The following FBXO4 variants were observed in gnomAD, a reference collection of about 807,000 sequenced individuals.
FBXO4 encodes the protein F-box protein 4, also known as F-box only protein 4.
FBXO4 carries 36 observed loss-of-function variants against 43.7 expected under a neutral mutation model. That is an observed-to-expected ratio of 0.82 (90% CI 0.63 to 1.09). The LOEUF (loss-of-function observed/expected upper bound fraction) is 1.09, where lower values mean the gene tolerates loss of function less well. Ranked by LOEUF, FBXO4 falls within the 50% of genes least tolerant of loss-of-function variation. The pLI is 0.00. For synonymous variants in FBXO4, 180 were observed against 165.6 expected, an observed-to-expected ratio of 1.09 and a Z score of -0.67; for missense variants, 435 against 474.1, an observed-to-expected ratio of 0.92 and a Z score of 0.77.
chr5:42,020,549 TAAG>T, the FBXO4 span, among the ~76,000 whole-genome samples: 1 of 152,146 alleles, frequency 6.6e-6, no homozygotes. Context: ...TCTCATGAAA[TAAG>T]AAGTTTGATT....
the FBXO4 span, among the ~76,000 whole-genome samples, chr5:42,033,545 G>A: frequency 1.6e-4 from 25 of 151,792 alleles, no homozygotes; most frequent in East Asian, 3.7e-3. Context: ...TTCTCCCCTC[G>A]CCTCCCACCC....
the FBXO4 span, among the ~76,000 whole-genome samples, chr5:42,029,662 C>T: frequency 6.6e-6 from 1 of 151,624 alleles, no homozygotes; most frequent in East Asian, 1.9e-4. Context: ...TTTATCTCCT[C>T]TCACCATGTA....
At chr5:41,988,383 A>T in the FBXO4 span, among the ~76,000 whole-genome samples, 2 of 152,270 alleles carry the variant, frequency 1.3e-5, 1 homozygote, top group African/African-American at 4.8e-5. Flanking sequence ...ATCTTTCTTG[A>T]AGGGTATACT....
chr5:41,979,949 A>C, the FBXO4 span, among the ~76,000 whole-genome samples: 1 of 152,190 alleles, frequency 6.6e-6, no homozygotes, highest in Non-Finnish European at 1.5e-5. Flanking sequence ...AGCCTACATG[A>C]ATCAATCTAA....
the FBXO4 span, among the ~76,000 whole-genome samples, chr5:41,993,044 A>G: frequency 6.6e-6 from 1 of 152,226 alleles, no homozygotes; most frequent in Non-Finnish European, 1.5e-5. Context: ...ATGTAAAAAC[A>G]TATTGTAAAC....
At chr5:42,004,007 A>G in the FBXO4 span, among the ~76,000 whole-genome samples, 1 of 152,220 alleles carries the variant, frequency 6.6e-6, no homozygotes, top group Non-Finnish European at 1.5e-5. Context: ...TGGATTAAGA[A>G]AATGTGGCAC....
chr5:41,961,228 C>T, the FBXO4 span, among the ~76,000 whole-genome samples: 1 of 152,096 alleles, frequency 6.6e-6, no homozygotes, highest in East Asian at 1.9e-4. Context: ...GTGTGGATAT[C>T]CACAGTGGCA....
chr5:42,037,291 G>A, the FBXO4 span, among the ~76,000 whole-genome samples: 8 of 152,122 alleles, frequency 5.3e-5, no homozygotes, highest in Admixed American at 3.3e-4. Context: ...AAGGTTATGA[G>A]CAGGTATGTT....
the FBXO4 span, among the ~76,000 whole-genome samples, chr5:41,989,280 G>T: frequency 2.6e-5 from 4 of 152,070 alleles, no homozygotes; most frequent in African/African-American, 9.7e-5. Flanking sequence ...CAGTCAAGGG[G>T]TGACTAATTT....
At chr5:41,972,179 T>C in the FBXO4 span, among the ~76,000 whole-genome samples, 2 of 152,108 alleles carry the variant, frequency 1.3e-5, no homozygotes, top group African/African-American at 2.4e-5. Flanking sequence ...TATAATTCTA[T>C]ACCTAAAAAA....
At chr5:41,969,042 A>C in the FBXO4 span, among the ~76,000 whole-genome samples, 1 of 152,246 alleles carries the variant, frequency 6.6e-6, no homozygotes, top group East Asian at 1.9e-4. Flanking sequence ...TCTAAGTGCA[A>C]GCTCTTTTGC....
In FBXO4 at chr5:41,933,841, A is replaced by G. The variant is rs538680318; in HGVS notation, c.647-105A>G. 3 of 806,094 alleles carry G rather than the reference A, an allele frequency of 3.7e-6. No individual in the cohort carries two copies. The Admixed American group carries it at 7.9e-5, about 21-fold the overall frequency. 49.9% of individuals were successfully genotyped at this position (806,094 alleles called of 1,614,324 possible). A position where few individuals can be genotyped will look rare whatever the true frequency, so the allele number is the denominator to read the frequency against. Reference sequence around the variant, plus strand: ...TTCAACTCTATGTATAAGTTGTTATAGAATTTTTTCTTTACTCTTTTTGCT... The same window carrying G: ...TTCAACTCTATGTATAAGTTGTTATGGAATTTTTTCTTTACTCTTTTTGCT... On this transcript the variant is annotated intron_variant, in intron 3 of 6. Transcript: ENST00000281623.
chr5:41,943,405 A>G (rs1383456826), downstream of FBXO4, among the ~76,000 whole-genome samples: 1 of 152,142 alleles, frequency 6.6e-6, no homozygotes, highest in African/African-American at 2.4e-5. Context: ...AGTCCCTTAA[A>G]TTCTGAATCT....
At chr5:41,929,960 C>G (rs943788636) in intron 3 of FBXO4, 43 bp downstream of exon 3, 1 of 1,342,738 alleles carries the variant, frequency 7.4e-7, no homozygotes, top group Non-Finnish European at 1.0e-6. Flanking sequence ...ACACTTTGAG[C>G]TTGACATTCT....
At chr5:41,930,741 C>T (rs888455249) in intron 3 of FBXO4, among the ~76,000 whole-genome samples, 1 of 150,876 alleles carries the variant, frequency 6.6e-6, no homozygotes, top group Non-Finnish European at 1.5e-5. Context: ...GATCTCGGCT[C>T]ACTGCCAGCT....
At chr5:41,932,440 C>T (rs1364839812) in intron 3 of FBXO4, among the ~76,000 whole-genome samples, 8 of 152,068 alleles carry the variant, frequency 5.3e-5, no homozygotes, top group Non-Finnish European at 1.0e-4. Context: ...TACTTAAGAG[C>T]CCTGTGTGTG....
the FBXO4 span, among the ~76,000 whole-genome samples, chr5:42,018,625 A>G: frequency 6.6e-6 from 1 of 152,196 alleles, no homozygotes; most frequent in Non-Finnish European, 1.5e-5. Flanking sequence ...AGATTATTTC[A>G]TATTTTTACA....
At chr5:42,031,346 A>C in the FBXO4 span, among the ~76,000 whole-genome samples, 1 of 151,922 alleles carries the variant, frequency 6.6e-6, no homozygotes, top group Non-Finnish European at 1.5e-5. Flanking sequence ...TTCTCAGCAA[A>C]CTATCACAAG....
the FBXO4 span, among the ~76,000 whole-genome samples, chr5:41,999,648 G>A: frequency 2.0e-5 from 3 of 149,418 alleles, no homozygotes; most frequent in African/African-American, 7.4e-5. Context: ...GAGGAGCAAA[G>A]GGAGCCAGTC....
Sources: allele counts gnomAD v4.1 joint callset (sites outside exome capture counted in the v4.1 genomes callset), GRCh38; gene constraint gnomAD v4.1.1; transcripts MANE v1.5; gene names NCBI Gene and HGNC (gene_info 2026-07-23, HGNC 2026-07-21).